ZMYM2: variants seen among roughly 807,000 people sequenced by gnomAD.
The protein encoded by ZMYM2 is zinc finger MYM-type protein 2.
Under a neutral mutation model 162.8 loss-of-function variants are expected in ZMYM2, and 56 were observed. The ratio of observed to expected loss-of-function variants is 0.34; its 90% CI spans 0.28 to 0.43. ZMYM2 has a LOEUF of 0.43. Ranked by LOEUF, ZMYM2 falls within the 20% of genes least tolerant of loss-of-function variation. The pLI is 1.00. For synonymous variants in ZMYM2, 510 were observed against 541.6 expected (o/e 0.94, Z 0.81); for missense variants, 1,275 against 1,621.8 (o/e 0.79, Z 3.67).
At chr13:19,992,108 G>A (rs185225230) in intron 2 of ZMYM2, among the ~76,000 whole-genome samples, 28 of 152,218 alleles carry the variant, frequency 1.8e-4, no homozygotes, top group African/African-American at 6.5e-4. Flanking sequence ...CCTTTATTCA[G>A]CCTGCTACTG....
At chr13:20,065,413 C>G (rs1956597200) in intron 19 of ZMYM2, among the ~76,000 whole-genome samples, 3 of 151,986 alleles carry the variant, frequency 2.0e-5, no homozygotes, top group Non-Finnish European at 1.5e-5. Flanking sequence ...AGGTAAGATA[C>G]CAAACGCACA....
chr13:19,883,558 G>A, the ZMYM2 span, among the ~76,000 whole-genome samples: 1 of 152,104 alleles, frequency 6.6e-6, no homozygotes, highest in Non-Finnish European at 1.5e-5. Flanking sequence ...AGTGAATTTT[G>A]GGCATTCTTA....
intron 2 of ZMYM2, among the ~76,000 whole-genome samples, chr13:19,963,039 A>G (rs2139097131): frequency 6.6e-6 from 1 of 152,056 alleles, no homozygotes; most frequent in East Asian, 1.9e-4. Flanking sequence ...AGGTTTCACC[A>G]TGTTGGCCAG....
chr13:19,975,923 A>C (rs901455316), intron 2 of ZMYM2, among the ~76,000 whole-genome samples: 3 of 150,310 alleles, frequency 2.0e-5, no homozygotes, highest in Admixed American at 6.7e-5. Context: ...GAGTCTTGCT[A>C]TGTTGCCCAG....
At chr13:19,943,661 T>C in the ZMYM2 span, among the ~76,000 whole-genome samples, 1 of 152,142 alleles carries the variant, frequency 6.6e-6, no homozygotes, top group Non-Finnish European at 1.5e-5. Context: ...CTGCTTTTTG[T>C]TTTTCAGTGG....
At chr13:19,939,916 T>C in the ZMYM2 span, among the ~76,000 whole-genome samples, 1 of 152,214 alleles carries the variant, frequency 6.6e-6, no homozygotes, top group African/African-American at 2.4e-5. Context: ...GATATGTCAC[T>C]CTGTGGACTA....
chr13:19,891,468 T>A, the ZMYM2 span, among the ~76,000 whole-genome samples: 8 of 151,208 alleles, frequency 5.3e-5, no homozygotes, highest in Middle Eastern at 3.4e-3. Context: ...TTTTTTTTTT[T>A]CCTCTTTAGA....
At chr13:20,050,239 G>A (rs1955196735) in intron 12 of ZMYM2, among the ~76,000 whole-genome samples, 2 of 151,546 alleles carry the variant, frequency 1.3e-5, no homozygotes, top group Admixed American at 6.6e-5. Context: ...AAAAAAAAAA[G>A]CCTGTGTTCT....
chr13:20,034,971 A>G (rs1054870037), intron 11 of ZMYM2, among the ~76,000 whole-genome samples: 2 of 152,206 alleles, frequency 1.3e-5, no homozygotes, highest in African/African-American at 2.4e-5. Flanking sequence ...TTCTAAATCT[A>G]CTTATCCAGA....
chr13:20,053,284 T>C (rs1357347894), intron 14 of ZMYM2, among the ~76,000 whole-genome samples: 1 of 152,222 alleles, frequency 6.6e-6, no homozygotes, highest in African/African-American at 2.4e-5. Context: ...TAGTGGTTCC[T>C]AGCTCTGACT....
At chr13:19,976,046 A>G (rs571357186) in intron 2 of ZMYM2, among the ~76,000 whole-genome samples, 362 of 152,148 alleles carry the variant, frequency 2.4e-3, no homozygotes, top group African/African-American at 8.5e-3. Context: ...AAAAACAGCA[A>G]TCCTAGGCCG....
the ZMYM2 span, among the ~76,000 whole-genome samples, chr13:19,891,939 C>T: frequency 6.6e-6 from 1 of 151,722 alleles, no homozygotes; most frequent in Non-Finnish European, 1.5e-5. Context: ...TCACTGTTGT[C>T]ATTCTGCTGG....
At chr13:19,992,047 T>C (rs2139715350) in intron 2 of ZMYM2, among the ~76,000 whole-genome samples, 1 of 152,326 alleles carries the variant, frequency 6.6e-6, no homozygotes, top group African/African-American at 2.4e-5. Context: ...TTTTTCCATG[T>C]AAGGTTAACA....
chr13:20,031,469 G>C, intron 10 of ZMYM2, 34 bp downstream of exon 10: 2 of 1,344,848 alleles, frequency 1.5e-6, no homozygotes, highest in African/African-American at 3.0e-5. Flanking sequence ...GTTATCTAAT[G>C]CTAAAAAGAA....
chr13:20,081,619 CT>C (rs144317422), intron 21 of ZMYM2, among the ~76,000 whole-genome samples: 2,563 of 151,974 alleles, frequency 0.017, 73 homozygotes, highest in African/African-American at 0.059. Flanking sequence ...TAGTCATTAC[CT>C]TAATTATAAC....
At chr13:19,999,355 T>A (rs1480993094) in intron 3 of ZMYM2, among the ~76,000 whole-genome samples, 1 of 152,224 alleles carries the variant, frequency 6.6e-6, no homozygotes, top group Non-Finnish European at 1.5e-5. Flanking sequence ...ATTTTGGTAA[T>A]TCTCACAATA....
chr13:20,059,384 C>A, intron 15 of ZMYM2, 63 bp from the exon 16 acceptor site: 2 of 1,528,994 alleles, frequency 1.3e-6, no homozygotes, highest in Non-Finnish European at 1.8e-6. Context: ...ATTATTTTAA[C>A]ATTGAGCACC....
At chr13:19,885,932 T>C in the ZMYM2 span, among the ~76,000 whole-genome samples, 1 of 21,524 alleles carries the variant, frequency 4.6e-5, no homozygotes, top group Non-Finnish European at 1.2e-4. Context: ...TATATGTGTA[T>C]ACACATATAT....
At chr13:19,915,327 T>G in the ZMYM2 span, among the ~76,000 whole-genome samples, 4 of 152,182 alleles carry the variant, frequency 2.6e-5, no homozygotes, top group African/African-American at 9.6e-5. Flanking sequence ...ACACCTGGTC[T>G]CAAGCGATCT....
Sources: allele counts gnomAD v4.1 joint callset (sites outside exome capture counted in the v4.1 genomes callset), GRCh38; gene constraint gnomAD v4.1.1; transcripts MANE v1.5; gene names NCBI Gene and HGNC (gene_info 2026-07-23, HGNC 2026-07-21).